The following DLC1 variants were observed in gnomAD, a reference collection of about 807,000 sequenced individuals.
The protein encoded by DLC1 is DLC1 Rho GTPase activating protein.
DLC1 carries 54 observed loss-of-function variants against 140.3 expected under a neutral mutation model. The ratio of observed to expected loss-of-function variants is 0.38; its 90% confidence interval spans 0.31 to 0.48. The LOEUF is 0.48. Ranked by LOEUF, DLC1 falls within the 20% of genes least tolerant of loss-of-function variation. The pLI is 0.96. For synonymous variants in DLC1, 986 were observed against 728.1 expected (o/e 1.35, Z -5.70); for missense variants, 2,536 against 1,907.0 (o/e 1.33, Z -6.14).
At chr8:13,129,479 C>A (rs1409900630) in intron 5 of DLC1, among the ~76,000 whole-genome samples, 2 of 152,192 alleles carry the variant, frequency 1.3e-5, no homozygotes, top group East Asian at 3.8e-4. Context: ...CAGATTACTC[C>A]TTTGCATTAG....
chr8:13,539,891 A>G (rs992691850), intron 1 of DLC1, among the ~76,000 whole-genome samples: 1 of 148,816 alleles, frequency 6.7e-6, no homozygotes, highest in South Asian at 2.1e-4. Flanking sequence ...TGATTCAATT[A>G]TTTTACTTTT....
At position 13,210,434 on chromosome 8, in the gene DLC1, C is replaced by T. The variant is rs187339928; in HGVS notation, c.1349-94777G>A. ...CATTGTCAATGTCAATGTCAACAAA[C>T]TTTTATTGGAGATGAAAGTTTAGAA... On this transcript the variant is annotated intron_variant, in intron 5 of 17. Transcript: ENST00000276297. 2.2e-4 allele frequency among the ~76,000 whole-genome samples: 33 copies of T among 152,190 alleles called. No homozygotes were observed. In the East Asian group the frequency reaches 5.6e-3, roughly 26 times the overall value.
Position 13,237,197 on chromosome 8 carries a change from A to ATATGTGTG in DLC1, c.1348+68071_1348+68072insCACACATA, listed in dbSNP as rs1554478020. ...GGAGGATGTGTGTATATATATATAT[A>ATATGTGTG]TGTGTGTGTGTGTGTGTGTGTGTGT... On this transcript the variant is annotated intron_variant, in intron 5 of 17. Coordinates refer to ENST00000276297, the MANE Select transcript of DLC1 (RefSeq NM_182643.3). 9.3e-4 allele frequency among the ~76,000 whole-genome samples: 128 copies of ATATGTGTG among 138,212 alleles called. 1 individual carries two copies. The highest frequency in any genetic ancestry group is 6.8e-3 in the East Asian group (31 of 4,588). 90.7% of individuals were successfully genotyped at this position (138,212 alleles called of 152,430 possible).
intron 5 of DLC1, among the ~76,000 whole-genome samples, chr8:13,293,133 G>C (rs34430205): frequency 2.4e-3 from 373 of 152,302 alleles, no homozygotes; most frequent in Middle Eastern, 6.8e-3. Context: ...GGGAGGCTGA[G>C]GCGGGAAGAT....
intron 5 of DLC1, among the ~76,000 whole-genome samples, chr8:13,278,989 A>C (rs938475527): frequency 2.6e-5 from 4 of 152,228 alleles, no homozygotes; most frequent in Non-Finnish European, 5.9e-5. Flanking sequence ...GTCTGCCTCA[A>C]AAACTCATTA....
Position 13,499,461 on chromosome 8 carries a change from T to A in DLC1, c.611A>T (p.Asp204Val). 1.9e-6 allele frequency: 3 copies of A among 1,614,076 alleles called. No individual in the cohort carries two copies. Among genetic ancestry groups the A allele is most frequent in the South Asian group, 2.2e-5 (2 of 91,084 alleles). Residue 204 changes from aspartate to valine, a missense_variant, in exon 2 of 18, where the codon GAT (aspartate) becomes GTT (valine). Transcript: ENST00000276297. ...CNEISLSEIK[D>V]APKVNAVDTL... ...ATCCACTGCATTTACTTTGGGTGCA[T>A]CTTTTATTTCACTTAAGCTTATTTC...
At position 13,499,973 on chromosome 8, in the gene DLC1, A is replaced by G. The variant is rs1331655967; in HGVS notation, c.99T>C (p.His33=). The G allele has an allele frequency of 1.2e-6, 2 of 1,614,114 alleles. No individual in the cohort carries two copies. The highest frequency in any genetic ancestry group is 2.2e-5 in the East Asian group (1 of 44,874). ...NSDDRNTACH[H]GLVADSLQAS... The stretch of plus-strand genomic sequence containing the variant: ...CCTGCAAGCTGTCAGCTACTAGTCC[A>G]TGATGACATGCTGTGTTACGATCAT... The change falls in exon 2 of 18, where the codon CAT becomes CAC. Residue 33 remains histidine, a synonymous_variant. Transcript: ENST00000276297.
At chr8:13,359,305 G>A (rs534886975) in intron 4 of DLC1, among the ~76,000 whole-genome samples, 1 of 152,158 alleles carries the variant, frequency 6.6e-6, no homozygotes, top group Non-Finnish European at 1.5e-5. Flanking sequence ...AAGCTGATTC[G>A]GAATTCCTTA....
intron 4 of DLC1, among the ~76,000 whole-genome samples, chr8:13,391,060 G>T (rs879527613): frequency 2.6e-5 from 4 of 151,300 alleles, no homozygotes; most frequent in African/African-American, 7.3e-5. Context: ...TTAAAGAAAA[G>T]AAATTTCGTA....
intron 5 of DLC1, among the ~76,000 whole-genome samples, chr8:13,177,217 T>C (rs1415851523): frequency 6.6e-6 from 1 of 152,166 alleles, no homozygotes; most frequent in Non-Finnish European, 1.5e-5. Context: ...AAGTTTTGTT[T>C]TAGGAACAAT....
intron 3 of DLC1, among the ~76,000 whole-genome samples, chr8:13,395,053 T>TCTATCTATCTATC (rs1836969261): frequency 2.5e-5 from 3 of 120,180 alleles, no homozygotes; most frequent in Non-Finnish European, 5.8e-5. Context: ...ATCTATCTAT[T>TCTATCTATCTATC]AGGTACCTAT....
At chr8:13,493,304 C>T (rs928098249) in intron 2 of DLC1, among the ~76,000 whole-genome samples, 2 of 152,202 alleles carry the variant, frequency 1.3e-5, no homozygotes, top group Non-Finnish European at 2.9e-5. Context: ...CAAGCTAATT[C>T]CTTCATTGTC....
chr8:13,509,115 G>T (rs1802242239), intron 1 of DLC1, among the ~76,000 whole-genome samples: 1 of 152,128 alleles, frequency 6.6e-6, no homozygotes, highest in Non-Finnish European at 1.5e-5. Flanking sequence ...ATTCAACAAG[G>T]AACACGGATT....
At chr8:13,132,725 T>A (rs1822216332) in intron 5 of DLC1, among the ~76,000 whole-genome samples, 1 of 152,088 alleles carries the variant, frequency 6.6e-6, no homozygotes, top group South Asian at 2.1e-4. Flanking sequence ...CAAAAGGTAA[T>A]CAAGAGTCAC....
chr8:13,553,271 T>C (rs1214161454), intron 1 of DLC1, among the ~76,000 whole-genome samples: 4 of 141,810 alleles, frequency 2.8e-5, no homozygotes, highest in Non-Finnish European at 6.1e-5. Context: ...TTCTTCTTAC[T>C]GTTTTAGATG....
At chr8:13,321,643 T>G (rs1833129565) in intron 4 of DLC1, among the ~76,000 whole-genome samples, 1 of 151,310 alleles carries the variant, frequency 6.6e-6, no homozygotes, top group African/African-American at 2.4e-5. Context: ...CTCTTTCCAG[T>G]TAGCAGCATT....
Position 13,427,712 on chromosome 8 carries a change from A to G in DLC1, c.1024-26093T>C, listed in dbSNP as rs115589840. On this transcript the variant is annotated intron_variant, in intron 2 of 17. Coordinates refer to ENST00000276297, the MANE Select transcript of DLC1 (RefSeq NM_182643.3). The stretch of plus-strand genomic sequence containing the variant: ...CCTTGGGCCCCTTGTTCTCATGGCA[A>G]TTATAGTCATATATGTCTATCTTCA... Among the ~76,000 whole-genome samples, 936 of 152,278 alleles carry G rather than the reference A, an allele frequency of 6.1e-3. 10 individuals are homozygous for G. The highest frequency in any genetic ancestry group is 0.021 in the African/African-American group (872 of 41,544).
chr8:13,132,543 G>A (rs940554531), intron 5 of DLC1, among the ~76,000 whole-genome samples: 1 of 152,116 alleles, frequency 6.6e-6, no homozygotes, highest in Non-Finnish European at 1.5e-5. Flanking sequence ...AGATCAGTAC[G>A]AGCGCAGAGC....
At chr8:13,328,579 C>A (rs1833463555) in intron 4 of DLC1, among the ~76,000 whole-genome samples, 1 of 152,112 alleles carries the variant, frequency 6.6e-6, no homozygotes, top group African/African-American at 2.4e-5. Flanking sequence ...AACTTTTAAA[C>A]CACTGGTTTT....
Sources: allele counts gnomAD v4.1 joint callset (sites outside exome capture counted in the v4.1 genomes callset), GRCh38; gene constraint gnomAD v4.1.1; transcripts MANE v1.5; gene names NCBI Gene and HGNC (gene_info 2026-07-23, HGNC 2026-07-21).